The following CDH11 variants were observed in gnomAD, a reference collection of about 807,000 sequenced individuals.
The protein encoded by CDH11 is cadherin 11.
CDH11 carries 11 observed loss-of-function variants against 67.8 expected under a neutral mutation model. That is an observed-to-expected ratio of 0.16 (90% CI 0.10 to 0.27). The LOEUF is 0.27. CDH11 is among the 10% of genes least tolerant of loss of function. CDH11 has a pLI of 1.00. For missense variants in CDH11, 847 were observed against 1,031.2 expected (o/e 0.82, Z 2.45); for synonymous variants, 419 against 400.0 (o/e 1.05, Z -0.57).
At chr16:64,949,085 C>T (rs925144844) in intron 12 of CDH11, among the ~76,000 whole-genome samples, 4 of 152,176 alleles carry the variant, frequency 2.6e-5, no homozygotes, top group African/African-American at 9.7e-5. Context: ...CAGACCACTC[C>T]TTTTCACTTT....
rs1429379264 is a variant in CDH11 at position 65,015,762 on chromosome 16, T to C, written c.-172-10721A>G. ...ATGTCCTGCAGAGAACCACTCCCCATAGTCTGTTTTGTAAGGTATAAACAA... is the reference window on the plus strand; with the variant it reads ...ATGTCCTGCAGAGAACCACTCCCCACAGTCTGTTTTGTAAGGTATAAACAA... On this transcript the variant is annotated intron_variant, in intron 2 of 12. Transcript: ENST00000268603. Among the ~76,000 whole-genome samples the C allele has an allele frequency of 2.0e-5, 3 of 152,304 alleles. No individual in the cohort carries two copies. In the East Asian group the frequency reaches 5.8e-4, roughly 29 times the overall value.
intron 3 of CDH11, among the ~76,000 whole-genome samples, chr16:65,000,753 G>A (rs899736797): frequency 5.3e-5 from 8 of 152,088 alleles, no homozygotes; most frequent in Admixed American, 2.0e-4. Flanking sequence ...AGGTTGCAGC[G>A]AGCTGAGATC....
intron 2 of CDH11, among the ~76,000 whole-genome samples, chr16:65,012,532 A>G (rs1371378059): frequency 1.3e-5 from 2 of 152,228 alleles, no homozygotes; most frequent in Non-Finnish European, 2.9e-5. Context: ...CAAGGCTTAG[A>G]GCAAACCAGT....
At chr16:65,077,359 C>T (rs2074530828) in intron 1 of CDH11, among the ~76,000 whole-genome samples, 3 of 152,194 alleles carry the variant, frequency 2.0e-5, no homozygotes, top group African/African-American at 7.2e-5. Flanking sequence ...AGAAGCTCCT[C>T]AATTGTGTGT....
In CDH11 at chr16:65,121,938, C is replaced by A; in HGVS notation, c.-356G>T. 1.4e-6 allele frequency: 1 copy of A among 701,888 alleles called. No homozygotes were observed. Among genetic ancestry groups the A allele is most frequent in the South Asian group, 1.5e-5 (1 of 67,570 alleles). The allele number at this position is 701,888 out of a possible 1,614,324, so 43.5% of individuals were successfully genotyped here. A position where few individuals can be genotyped will look rare whatever the true frequency, so the allele number is the denominator to read the frequency against. On this transcript the variant is annotated 5_prime_UTR_variant, in exon 1 of 13. Coordinates refer to ENST00000268603, the MANE Select transcript of CDH11 (RefSeq NM_001797.4). The surrounding 1 kb of genome is among the most constrained non-coding windows in gnomAD (Gnocchi z 4.1). ...CCGCCAGTCCCTGGCGCAGGGCAAG[C>A]GCTGCGGTGTCAGTCCCGGCCCCAG...
chr16:65,098,208 T>C (rs1184618859), intron 1 of CDH11, among the ~76,000 whole-genome samples: 1 of 152,128 alleles, frequency 6.6e-6, no homozygotes, highest in African/African-American at 2.4e-5. Flanking sequence ...AGGTTCAATA[T>C]TTACTATTGA....
intron 1 of CDH11, among the ~76,000 whole-genome samples, chr16:65,104,616 G>C (rs1271528773): frequency 6.6e-6 from 1 of 152,176 alleles, no homozygotes; most frequent in Non-Finnish European, 1.5e-5. Context: ...AGTGGAATCT[G>C]TTTTGGTATA....
chr16:65,092,065 G>A (rs142636246), intron 1 of CDH11, among the ~76,000 whole-genome samples: 12 of 152,206 alleles, frequency 7.9e-5, no homozygotes, highest in Non-Finnish European at 1.8e-4. Context: ...ACCACAATGT[G>A]AGATTGTCCT....
intron 11 of CDH11, among the ~76,000 whole-genome samples, chr16:64,967,585 T>G (rs2071875954): frequency 6.6e-6 from 1 of 152,202 alleles, no homozygotes; most frequent in Admixed American, 6.5e-5. Flanking sequence ...TCCTCATAGT[T>G]GAAGGTAGAA....
At chr16:65,024,910 G>A (rs577347128) in intron 2 of CDH11, among the ~76,000 whole-genome samples, 13 of 152,318 alleles carry the variant, frequency 8.5e-5, no homozygotes, top group Non-Finnish European at 1.8e-4. Flanking sequence ...ATAGTAAATA[G>A]AACAGATAGC....
chr16:64,972,332 A>T, intron 9 of CDH11, among the ~76,000 whole-genome samples: 1 of 152,212 alleles, frequency 6.6e-6, no homozygotes, highest in East Asian at 1.9e-4. Context: ...CTAAAGGCCT[A>T]TCATGGAGCC....
chr16:64,985,327 T>G (rs1315529284), intron 7 of CDH11: 1 of 151,922 alleles, frequency 6.6e-6, no homozygotes, highest in African/African-American at 2.4e-5. Context: ...CCTTCACTAC[T>G]ATCTCACTAC....
intron 2 of CDH11, among the ~76,000 whole-genome samples, chr16:65,010,916 A>G (rs2073162490): frequency 6.8e-6 from 1 of 146,680 alleles, no homozygotes. Flanking sequence ...ATATTATTTT[A>G]TTGCATTTTC....
intron 2 of CDH11, among the ~76,000 whole-genome samples, chr16:65,013,551 C>A (rs888202403): frequency 6.6e-6 from 1 of 152,102 alleles, no homozygotes; most frequent in African/African-American, 2.4e-5. Context: ...CCCAGCCGGG[C>A]GCAGTGGCTC....
intron 11 of CDH11, among the ~76,000 whole-genome samples, chr16:64,951,977 T>G (rs2071375360): frequency 6.6e-6 from 1 of 152,110 alleles, no homozygotes; most frequent in Non-Finnish European, 1.5e-5. Flanking sequence ...GATCAGATAT[T>G]ATTTCCCTAA....
chr16:65,086,707 A>C (rs1236976520), intron 1 of CDH11, among the ~76,000 whole-genome samples: 1 of 152,208 alleles, frequency 6.6e-6, no homozygotes, highest in Non-Finnish European at 1.5e-5. Context: ...GGCCAGGGTT[A>C]GGGCTCTAGA....
intron 12 of CDH11, chr16:64,948,798 T>C (rs2071268766): frequency 6.4e-7 from 1 of 1,568,926 alleles, no homozygotes; most frequent in Non-Finnish European, 8.6e-7. Flanking sequence ...CTAGGAGGGG[T>C]GATCAGAGTC....
At chr16:65,122,834 C>T (rs2075357477), upstream of CDH11, among the ~76,000 whole-genome samples, 1 of 152,168 alleles carries the variant, frequency 6.6e-6, no homozygotes, top group South Asian at 2.1e-4. Flanking sequence ...GGGTCGGCCT[C>T]GCTCCAGCTT....
chr16:65,044,466 T>A (rs1429730989), intron 2 of CDH11, among the ~76,000 whole-genome samples: 21 of 152,194 alleles, frequency 1.4e-4, no homozygotes, highest in Admixed American at 1.3e-3. Flanking sequence ...AATTTTTTTT[T>A]AATGGAAAAG....
Sources: gnomAD v4.1 joint callset for allele counts (sites outside exome capture counted in the v4.1 genomes callset) on GRCh38, gnomAD v4.1.1 for gene constraint, Gnocchi (gnomAD v3.1) non-coding constraint, MANE v1.5 for transcripts, NCBI Gene and HGNC (gene_info 2026-07-23, HGNC 2026-07-21) for gene names.